Variants in MICU1 observed in about 807,000 individuals in gnomAD.
The protein encoded by MICU1 is mitochondrial calcium uptake 1, also known as calcium uptake protein 1, mitochondrial.
Under a neutral mutation model 56.8 loss-of-function variants are expected in MICU1, and 45 were observed. That is an observed-to-expected ratio of 0.79 (90% CI 0.62 to 1.02). The LOEUF (loss-of-function observed/expected upper bound fraction) is 1.02, where lower values mean the gene tolerates loss of function less well. Ranked by LOEUF, MICU1 falls within the 50% of genes least tolerant of loss-of-function variation. The probability of loss-of-function intolerance (pLI) is 0.00; values close to 1 mark genes in which losing one functional copy is unlikely to be tolerated. For missense variants in MICU1, 504 were observed against 587.1 expected, an observed-to-expected ratio of 0.86 and a Z score of 1.46; for synonymous variants, 186 against 195.1, an observed-to-expected ratio of 0.95 and a Z score of 0.39.
At chr10:72,607,106 C>A (rs1841710746) in intron 1 of MICU1, among the ~76,000 whole-genome samples, 1 of 150,498 alleles carries the variant, frequency 6.6e-6, no homozygotes, top group South Asian at 2.1e-4. Context: ...TTTGGGAGGC[C>A]AAGGTGGGTG....
chr10:72,500,251 T>G, intron 6 of MICU1, among the ~76,000 whole-genome samples: 1 of 54,348 alleles, frequency 1.8e-5, no homozygotes, highest in African/African-American at 1.1e-4. Context: ...ATTATATACA[T>G]ACATACATAC....
intron 5 of MICU1, among the ~76,000 whole-genome samples, chr10:72,522,487 C>G (rs574384126): frequency 6.6e-6 from 1 of 152,014 alleles, no homozygotes; most frequent in South Asian, 2.1e-4. Flanking sequence ...TAAACTACAC[C>G]CTCCTTTGGC....
Position 72,475,223 on chromosome 10 carries a change from G to A in MICU1, c.810C>T (p.Leu270=). Residue 270 remains leucine, a synonymous_variant, in exon 8 of 12, where the codon CTC becomes CTT. Transcript: ENST00000361114. ...HRDRPTTGNT[L]KSGLCSALTT... is the part of the protein sequence containing the mutation. Reference sequence around the variant, plus strand: ...TGAGGGCTGAACACAAGCCAGACTTGAGGGTGTTGCCAGTAGTTGGACGAT... The same window carrying A: ...TGAGGGCTGAACACAAGCCAGACTTAAGGGTGTTGCCAGTAGTTGGACGAT... 1 of 1,610,984 alleles carries A rather than the reference G, an allele frequency of 6.2e-7. No individual in the cohort carries two copies. Among genetic ancestry groups the A allele is most frequent in the Non-Finnish European group, 8.5e-7 (1 of 1,178,498 alleles).
chr10:72,388,731 C>T (rs1448349735), intron 10 of MICU1, among the ~76,000 whole-genome samples: 1 of 152,186 alleles, frequency 6.6e-6, no homozygotes, highest in South Asian at 2.1e-4. Context: ...CTTCCCAATG[C>T]TACTGTGAAG....
chr10:72,580,477 T>A (rs7070945), intron 1 of MICU1, among the ~76,000 whole-genome samples: 4,216 of 34,620 alleles, frequency 0.12, 177 homozygotes, highest in African/African-American at 0.32. Flanking sequence ...TTAATTAATT[T>A]ATTTATTTAT....
At chr10:72,522,611 G>C (rs1483139230) in intron 5 of MICU1, among the ~76,000 whole-genome samples, 1 of 152,064 alleles carries the variant, frequency 6.6e-6, no homozygotes, top group East Asian at 1.9e-4. Flanking sequence ...AGACATTATG[G>C]ATACTCCTCA....
At chr10:72,615,241 C>T (rs1314210010) in intron 1 of MICU1, among the ~76,000 whole-genome samples, 1 of 152,120 alleles carries the variant, frequency 6.6e-6, no homozygotes, top group East Asian at 1.9e-4. Flanking sequence ...CCTCAGCCTC[C>T]CCAGTAATTG....
chr10:72,445,429 CA>C (rs945866522), intron 8 of MICU1, among the ~76,000 whole-genome samples: 1 of 152,064 alleles, frequency 6.6e-6, no homozygotes, highest in Non-Finnish European at 1.5e-5. Context: ...GAATATTGAT[CA>C]AAACACAGAG....
At chr10:72,601,989 G>C (rs191425500) in intron 1 of MICU1, among the ~76,000 whole-genome samples, 144 of 150,854 alleles carry the variant, frequency 9.5e-4, no homozygotes, top group African/African-American at 3.2e-3. Flanking sequence ...TGGTAGAGAT[G>C]AGGTTTCACC....
At chr10:72,445,344 A>T (rs1165211609) in intron 8 of MICU1, among the ~76,000 whole-genome samples, 1 of 152,162 alleles carries the variant, frequency 6.6e-6, no homozygotes, top group East Asian at 1.9e-4. Context: ...CTGTATCTTC[A>T]ATTTTCATAA....
chr10:72,419,145 T>C (rs1285040087), intron 9 of MICU1, among the ~76,000 whole-genome samples: 2 of 152,204 alleles, frequency 1.3e-5, no homozygotes, highest in Non-Finnish European at 2.9e-5. Flanking sequence ...TCACCTATCA[T>C]GATAGATAAT....
chr10:72,449,604 C>A (rs951979700), intron 8 of MICU1, among the ~76,000 whole-genome samples: 1 of 151,928 alleles, frequency 6.6e-6, no homozygotes, highest in Admixed American at 6.6e-5. Flanking sequence ...AGCAGTAAAG[C>A]GTTTTTTTAT....
At chr10:72,607,002 G>A (rs1841708442) in intron 1 of MICU1, among the ~76,000 whole-genome samples, 1 of 152,038 alleles carries the variant, frequency 6.6e-6, no homozygotes, top group South Asian at 2.1e-4. Context: ...CTTGCCCTAC[G>A]CAACTCTTAC....
chr10:72,381,325 A>C (rs1564837286), intron 10 of MICU1, among the ~76,000 whole-genome samples: 1 of 152,152 alleles, frequency 6.6e-6, no homozygotes, highest in Non-Finnish European at 1.5e-5. Flanking sequence ...TCAGCCCTGG[A>C]AAGGCTGATG....
At chr10:72,414,783 G>T (rs943858528) in intron 9 of MICU1, among the ~76,000 whole-genome samples, 3 of 152,150 alleles carry the variant, frequency 2.0e-5, no homozygotes, top group Admixed American at 6.6e-5. Flanking sequence ...TTTGGAGTCA[G>T]CTGTAAAGCG....
chr10:72,421,013 A>T (rs202190066), intron 9 of MICU1, among the ~76,000 whole-genome samples: 168 of 135,038 alleles, frequency 1.2e-3, no homozygotes, highest in Middle Eastern at 0.011. Flanking sequence ...AAAAAAAAAA[A>T]AAAAATAATA....
intron 5 of MICU1, among the ~76,000 whole-genome samples, chr10:72,515,787 C>T (rs1295988791): frequency 6.6e-6 from 1 of 152,084 alleles, no homozygotes; most frequent in African/African-American, 2.4e-5. Flanking sequence ...GTATAATAGA[C>T]GTCTTTATCA....
At chr10:72,428,997 C>A (rs1014036491) in intron 8 of MICU1, among the ~76,000 whole-genome samples, 1 of 152,166 alleles carries the variant, frequency 6.6e-6, no homozygotes, top group Admixed American at 6.5e-5. Flanking sequence ...AGTGGCTTAC[C>A]CGTTCCGAGG....
At chr10:72,410,451 T>C (rs1228989155) in intron 9 of MICU1, among the ~76,000 whole-genome samples, 1 of 152,158 alleles carries the variant, frequency 6.6e-6, no homozygotes, top group East Asian at 1.9e-4. Context: ...ACCCCATCTC[T>C]ACTAAAAATA....
Sources: gnomAD v4.1 joint callset for allele counts (sites outside exome capture counted in the v4.1 genomes callset) on GRCh38, gnomAD v4.1.1 for gene constraint, MANE v1.5 for transcripts, NCBI Gene and HGNC (gene_info 2026-07-23, HGNC 2026-07-21) for gene names.